The following CBFA2T3 variants were observed in gnomAD, a reference collection of about 807,000 sequenced individuals.
CBFA2T3 encodes CBFA2/RUNX1 partner transcriptional co-repressor 3, also known as transcriptional corepressor CBFA2T3.
A neutral mutation model predicts 58.6 loss-of-function variants in CBFA2T3; 31 were observed. The ratio of observed to expected loss-of-function variants is 0.53; its 90% CI spans 0.40 to 0.71. CBFA2T3 has a LOEUF of 0.71. Among genes scored for constraint, CBFA2T3 ranks in the 30% least tolerant of loss-of-function variants. CBFA2T3 has a pLI of 0.00. For synonymous variants in CBFA2T3, 531 were observed against 421.9 expected, an observed-to-expected ratio of 1.26 and a Z score of -3.17; for missense variants, 1,076 against 963.1, an observed-to-expected ratio of 1.12 and a Z score of -1.55.
chr16:88,947,913 CA>C (rs1971947738), intron 1 of CBFA2T3, among the ~76,000 whole-genome samples: 1 of 151,900 alleles, frequency 6.6e-6, no homozygotes, highest in Non-Finnish European at 1.5e-5. Flanking sequence ...GACCCTGTCT[CA>C]AAAATAAAAA....
At chr16:88,909,478 G>GT (rs1567600626) in intron 1 of CBFA2T3, among the ~76,000 whole-genome samples, 2 of 151,998 alleles carry the variant, frequency 1.3e-5, no homozygotes, top group Non-Finnish European at 2.9e-5. Flanking sequence ...TACATCCCGG[G>GT]TGACCCCGAC....
chr16:88,934,519 G>T (rs537072039), intron 1 of CBFA2T3, among the ~76,000 whole-genome samples: 19 of 152,354 alleles, frequency 1.2e-4, no homozygotes, highest in Non-Finnish European at 1.5e-4. Context: ...ATCGGGGGGC[G>T]ACAGGCGAGG....
intron 1 of CBFA2T3, 125 bp downstream of exon 1, chr16:88,976,532 C>T (rs978771878): frequency 6.2e-5 from 44 of 710,762 alleles, no homozygotes; most frequent in South Asian, 1.8e-4. Flanking sequence ...TGAGTCAACA[C>T]GGCCATCCGT....
intron 1 of CBFA2T3, among the ~76,000 whole-genome samples, chr16:88,915,200 GT>G (rs1970656019): frequency 8.2e-6 from 1 of 122,036 alleles, no homozygotes; most frequent in Admixed American, 8.4e-5. Context: ...GGTGGCGTGG[GT>G]GTGGGGTGGG....
At chr16:88,893,797 C>G (rs1338053871) in intron 3 of CBFA2T3, among the ~76,000 whole-genome samples, 1 of 152,204 alleles carries the variant, frequency 6.6e-6, no homozygotes, top group Non-Finnish European at 1.5e-5. Flanking sequence ...GGTGACAGAG[C>G]TAAGGCCAAG....
At chr16:88,905,766 G>A (rs1377161547) in intron 1 of CBFA2T3, among the ~76,000 whole-genome samples, 1 of 148,046 alleles carries the variant, frequency 6.8e-6, no homozygotes, top group Admixed American at 6.7e-5. Flanking sequence ...GAAGGACGGT[G>A]GGGATGAGGG....
intron 1 of CBFA2T3, among the ~76,000 whole-genome samples, chr16:88,970,743 C>T (rs924153793): frequency 2.6e-5 from 4 of 152,236 alleles, no homozygotes; most frequent in Admixed American, 1.3e-4. Flanking sequence ...GGAATAGACT[C>T]ACGCCTTCCA....
At position 88,900,394 on chromosome 16, in the gene CBFA2T3, G is replaced by A. The variant is rs563924640; in HGVS notation, c.304+1110C>T. On this transcript the variant is annotated intron_variant, in intron 2 of 11. Coordinates refer to ENST00000268679, the MANE Select transcript of CBFA2T3 (RefSeq NM_005187.6). ...CTCTCCAGATGGAGGGGAGATGATG[G>A]CCAAAGCCCTCGGCGGAGCAGGCCC... Among the ~76,000 whole-genome samples, 636 of 152,382 alleles carry A rather than the reference G, an allele frequency of 4.2e-3. 4 individuals are homozygous for A. Among genetic ancestry groups the A allele is most frequent in the Non-Finnish European group, 6.4e-3 (436 of 68,032 alleles).
At chr16:88,959,443 C>T (rs1434771848) in intron 1 of CBFA2T3, among the ~76,000 whole-genome samples, 1 of 152,172 alleles carries the variant, frequency 6.6e-6, no homozygotes, top group African/African-American at 2.4e-5. Context: ...TGTGAGGAGG[C>T]CCGGGCACCA....
At chr16:88,973,029 T>C (rs960605936) in intron 1 of CBFA2T3, among the ~76,000 whole-genome samples, 3 of 152,216 alleles carry the variant, frequency 2.0e-5, no homozygotes, top group Admixed American at 6.5e-5. Flanking sequence ...GGCCGAGCTC[T>C]GCATGATCCA....
rs576934029 is a variant in CBFA2T3, at chr16:88,932,791, C to CAAAAAAAAAAAAA, written c.152-31148_152-31136dup. Among the ~76,000 whole-genome samples, 34 of 27,860 alleles carry CAAAAAAAAAAAAA rather than the reference C, an allele frequency of 1.2e-3. 1 individual carries two copies. Among genetic ancestry groups the CAAAAAAAAAAAAA allele is most frequent in the South Asian group, 3.3e-3 (1 of 306 alleles). The allele number at this position is 27,860 out of a possible 152,430, so 18.3% of individuals were successfully genotyped here. On this transcript the variant is annotated intron_variant, in intron 1 of 11. Coordinates refer to ENST00000268679, the MANE Select transcript of CBFA2T3 (RefSeq NM_005187.6). ...GGCAAACCCGTCTCTACTAAAAATA[C>CAAAAAAAAAAAAA]AAAAAAAAAAAAAAAAAAAAAAAAA... is the stretch of plus-strand genomic sequence containing the variant.
At chr16:88,899,182 C>T (rs1184437676) in intron 2 of CBFA2T3, among the ~76,000 whole-genome samples, 2 of 151,864 alleles carry the variant, frequency 1.3e-5, no homozygotes, top group Non-Finnish European at 2.9e-5. Flanking sequence ...ACTCAGTCTC[C>T]CATCAGCTTG....
Position 88,892,568 on chromosome 16 carries a change from G to A in CBFA2T3, c.380-83C>T, listed in dbSNP as rs561767014. 6.7e-5 allele frequency: 97 copies of A among 1,447,088 alleles called. No individual in the cohort carries two copies. In the African/African-American group the frequency reaches 9.2e-4, roughly 14 times the overall value. 89.6% of individuals were successfully genotyped at this position (1,447,088 alleles called of 1,614,324 possible). A position where few individuals can be genotyped will look rare whatever the true frequency, so the allele number is the denominator to read the frequency against. ...CGGCGGCGACAGTGAGGGAAGCAGC[G>A]ACTAAGGTGACAATGTCAAAAGTGA... On this transcript the variant is annotated intron_variant, in intron 3 of 11. Transcript: ENST00000268679.
At chr16:88,965,612 G>C (rs1196458594) in intron 1 of CBFA2T3, among the ~76,000 whole-genome samples, 1 of 152,212 alleles carries the variant, frequency 6.6e-6, no homozygotes, top group Non-Finnish European at 1.5e-5. Flanking sequence ...GTATGCAGCT[G>C]TTCTTCTGTG....
intron 1 of CBFA2T3, among the ~76,000 whole-genome samples, chr16:88,934,246 T>TGCCCCATGCCCCTCGGCACAC (rs1971421382): frequency 2.1e-5 from 3 of 144,230 alleles, no homozygotes; most frequent in African/African-American, 8.5e-5. Flanking sequence ...CCTCGGCACA[T>TGCCCCATGCCCCTCGGCACAC]GGAGGCACGG....
In CBFA2T3 at chr16:88,880,731, C is replaced by A; in HGVS notation, c.1460G>T (p.Trp487Leu). Residue 487 changes from tryptophan to leucine, a missense_variant, in exon 10 of 12, where the codon TGG becomes TTG. Coordinates refer to ENST00000268679, the MANE Select transcript of CBFA2T3 (RefSeq NM_005187.6). ...TLTGYVPEDI[W>L]RKAEEAVNEV... ...GCACCCCCACTCACCAGCCTTCCTC[C>A]AGATGTCCTCAGGCACGTAGCCGGT... is the stretch of plus-strand genomic sequence containing the variant. 1 of 1,570,452 alleles carries A rather than the reference C, an allele frequency of 6.4e-7. No homozygotes were observed. The highest frequency in any genetic ancestry group is 8.6e-7 in the Non-Finnish European group (1 of 1,157,758).
chr16:88,941,120 C>T, intron 1 of CBFA2T3: 2 of 983,946 alleles, frequency 2.0e-6, no homozygotes, highest in Non-Finnish European at 2.4e-6. Context: ...GCCTCCACGA[C>T]TCAGGGGCGG....
chr16:88,896,483 C>T (rs1217657324), intron 3 of CBFA2T3, among the ~76,000 whole-genome samples: 1 of 152,198 alleles, frequency 6.6e-6, no homozygotes, highest in Non-Finnish European at 1.5e-5. Flanking sequence ...ACAGGATGCA[C>T]CGAGCCCCTG....
At chr16:88,955,902 C>T (rs1972206512) in intron 1 of CBFA2T3, among the ~76,000 whole-genome samples, 1 of 149,192 alleles carries the variant, frequency 6.7e-6, no homozygotes, top group Non-Finnish European at 1.5e-5. Flanking sequence ...CTGACCCCGC[C>T]CAAGGCTCCT....
Sources: gnomAD v4.1 joint callset for allele counts (sites outside exome capture counted in the v4.1 genomes callset) on GRCh38, gnomAD v4.1.1 for gene constraint, MANE v1.5 for transcripts, NCBI Gene and HGNC (gene_info 2026-07-23, HGNC 2026-07-21) for gene names.